The following DHRSX variants were observed in gnomAD, a reference collection of about 807,000 sequenced individuals.
DHRSX encodes dehydrogenase/reductase X-linked.
In DHRSX, 31 loss-of-function variants were observed where a neutral mutation model predicts 34.0. The observed-to-expected ratio is 0.91, with a 90% CI of 0.69 to 1.23. The LOEUF is 1.23. Among genes scored for constraint, DHRSX ranks in the 50% most tolerant of loss-of-function variants. The pLI, the probability that DHRSX is intolerant of heterozygous loss-of-function variation, is 0.00. For synonymous variants in DHRSX, 201 were observed against 183.8 expected, an observed-to-expected ratio of 1.09 and a Z score of -0.76; for missense variants, 414 against 428.1, an observed-to-expected ratio of 0.97 and a Z score of 0.29.
At chrX:2,354,144 A>T (rs1285522348) in intron 3 of DHRSX, among the ~76,000 whole-genome samples, 1 of 152,128 alleles carries the variant, frequency 6.6e-6, no homozygotes, top group Non-Finnish European at 1.5e-5. Context: ...CCCACCCTGG[A>T]ATGGCTCCAA....
chrX:2,229,700 C>A (rs1602759588), intron 6 of DHRSX, among the ~76,000 whole-genome samples: 1 of 151,914 alleles, frequency 6.6e-6, no homozygotes, highest in African/African-American at 2.4e-5. Context: ...TGAATGCACA[C>A]GTTAATGGGT....
intron 3 of DHRSX, among the ~76,000 whole-genome samples, chrX:2,313,420 G>C (rs2042187920): frequency 6.6e-6 from 1 of 151,528 alleles, no homozygotes; most frequent in African/African-American, 2.4e-5. Context: ...CCAGGCTGGA[G>C]TGCAGTGGTG....
At chrX:2,335,394 G>A (rs1457590590) in intron 3 of DHRSX, among the ~76,000 whole-genome samples, 1 of 151,794 alleles carries the variant, frequency 6.6e-6, no homozygotes, top group Non-Finnish European at 1.5e-5. Context: ...GTGGGGAGGG[G>A]GCTTCCAGGT....
chrX:2,243,051 T>C lies in DHRSX; in HGVS notation c.776A>G (p.Lys259Arg). Residue 259 changes from lysine to arginine, a missense_variant, in exon 6 of 7, where the codon AAG becomes AGG. Coordinates refer to ENST00000334651, the MANE Select transcript of DHRSX (RefSeq NM_145177.3). ...GAAAAGCAACCAGCCGAGAAGCTTC[T>C]TCGCCAGACGGGTGGCCCAGAACAC... ...KHVFWATRLA[K>R]KLLGWLLFKT... 1 of 1,613,582 alleles carries C rather than the reference T, an allele frequency of 6.2e-7. No homozygotes were observed. The highest frequency in any genetic ancestry group is 8.5e-7 in the Non-Finnish European group (1 of 1,179,672).
At chrX:2,483,177 C>G (rs756928604) in intron 1 of DHRSX, among the ~76,000 whole-genome samples, 44 of 152,304 alleles carry the variant, frequency 2.9e-4, no homozygotes, top group African/African-American at 1.0e-3. Flanking sequence ...CCTCGACTTT[C>G]CGGGCTCCAG....
At chrX:2,230,473 A>T (rs1314832628) in intron 6 of DHRSX, among the ~76,000 whole-genome samples, 1 of 152,228 alleles carries the variant, frequency 6.6e-6, no homozygotes, top group African/African-American at 2.4e-5. Flanking sequence ...AATGTCAGGT[A>T]ACACAGGTCT....
At chrX:2,285,470 C>A (rs1372547450) in intron 4 of DHRSX, among the ~76,000 whole-genome samples, 1 of 152,218 alleles carries the variant, frequency 6.6e-6, no homozygotes, top group African/African-American at 2.4e-5. Flanking sequence ...CTATAAGAAT[C>A]TAATGCTGCT....
rs1434380959 is a variant in DHRSX, at chrX:2,494,550, G to T, written c.109+6267C>A. Among the ~76,000 whole-genome samples, 7 of 151,988 alleles carry T rather than the reference G, an allele frequency of 4.6e-5. No individual in the cohort carries two copies. In the East Asian group the frequency reaches 1.2e-3, roughly 25 times the overall value. On this transcript the variant is annotated intron_variant, in intron 1 of 6. Transcript: ENST00000334651. ...AGGCTGAAAGAAGTCCGGGTACCTG[G>T]AACAAAAGTTTATATTTTATTATTA... is the stretch of plus-strand genomic sequence containing the variant.
intron 1 of DHRSX, among the ~76,000 whole-genome samples, chrX:2,466,664 AAACT>A (rs2044501007): frequency 6.6e-6 from 1 of 152,082 alleles, no homozygotes. Flanking sequence ...GAGGATCGAA[AAACT>A]ACCTATCAGG....
intron 2 of DHRSX, among the ~76,000 whole-genome samples, chrX:2,420,412 AAAT>A (rs998310916): frequency 2.2e-5 from 3 of 139,084 alleles, no homozygotes; most frequent in Non-Finnish European, 3.1e-5. Flanking sequence ...CCATCTCAAA[AAAT>A]AATAATAATA....
chrX:2,369,546 G>C (rs12863396), intron 3 of DHRSX, among the ~76,000 whole-genome samples: 45,196 of 151,822 alleles, frequency 0.3, 8,804 homozygotes, highest in Non-Finnish European at 0.45. Context: ...ACCCAGGCTG[G>C]AGTGCAGTGG....
intron 2 of DHRSX, among the ~76,000 whole-genome samples, chrX:2,411,933 G>A (rs1397484591): frequency 1.3e-5 from 2 of 152,152 alleles, no homozygotes; most frequent in Non-Finnish European, 2.9e-5. Context: ...CACCGTCAAC[G>A]CTGGCATAGG....
chrX:2,399,021 T>G (rs1210905172), intron 3 of DHRSX, among the ~76,000 whole-genome samples: 1 of 151,938 alleles, frequency 6.6e-6, no homozygotes, highest in Non-Finnish European at 1.5e-5. Flanking sequence ...CCCAGCTAAT[T>G]TTTTTTGTAC....
intron 1 of DHRSX, among the ~76,000 whole-genome samples, chrX:2,483,830 C>T (rs1342591689): frequency 2.0e-5 from 3 of 148,856 alleles, no homozygotes; most frequent in Non-Finnish European, 3.0e-5. Flanking sequence ...CAAAGTCCAG[C>T]GGTTATTTTT....
At chrX:2,336,120 G>C (rs188631019) in intron 3 of DHRSX, among the ~76,000 whole-genome samples, 1 of 151,958 alleles carries the variant, frequency 6.6e-6, no homozygotes, top group African/African-American at 2.4e-5. Flanking sequence ...CCATTCTCCT[G>C]CCTCAGCCTC....
intron 1 of DHRSX, among the ~76,000 whole-genome samples, chrX:2,449,469 T>A (rs1232200416): frequency 6.6e-6 from 1 of 152,050 alleles, no homozygotes; most frequent in Non-Finnish European, 1.5e-5. Flanking sequence ...ACACTGATTT[T>A]CATATTGAAA....
chrX:2,369,446 A>G (rs1244211176), intron 3 of DHRSX, among the ~76,000 whole-genome samples: 4 of 152,056 alleles, frequency 2.6e-5, no homozygotes, highest in African/African-American at 9.7e-5. Flanking sequence ...TGTGTGGAGT[A>G]TTCGTGAGGG....
chrX:2,446,461 CG>C (rs1360745023), intron 1 of DHRSX, among the ~76,000 whole-genome samples: 4 of 133,168 alleles, frequency 3.0e-5, no homozygotes, highest in Non-Finnish European at 6.5e-5. Flanking sequence ...ACACTGAAGA[CG>C]GTCTCGAGGC....
intron 1 of DHRSX, among the ~76,000 whole-genome samples, chrX:2,451,647 G>C (rs1448246184): frequency 6.6e-6 from 1 of 152,328 alleles, no homozygotes; most frequent in East Asian, 1.9e-4. Flanking sequence ...GGCTGGCTGC[G>C]TCTCTCACTG....
Sources: gnomAD v4.1 joint callset for allele counts (sites outside exome capture counted in the v4.1 genomes callset) on GRCh38, gnomAD v4.1.1 for gene constraint, MANE v1.5 for transcripts, NCBI Gene and HGNC (gene_info 2026-07-23, HGNC 2026-07-21) for gene names.